The following SLC14A2 variants were observed in gnomAD, a reference collection of about 807,000 sequenced individuals.
SLC14A2 encodes the protein solute carrier family 14 member 2, also known as urea transporter 2.
In SLC14A2, 91 loss-of-function variants were observed where a neutral mutation model predicts 104.6. The observed-to-expected ratio is 0.87, with a 90% CI of 0.73 to 1.04. The LOEUF (loss-of-function observed/expected upper bound fraction) is 1.04. Among genes scored for constraint, SLC14A2 ranks in the 50% least tolerant of loss-of-function variants. The pLI is 0.00. For missense variants in SLC14A2, 1,189 were observed against 1,156.0 expected (o/e 1.03, Z -0.41); for synonymous variants, 476 against 466.4 (o/e 1.02, Z -0.27).
chr18:45,499,257 C>T (rs1330135641), intron 2 of SLC14A2, among the ~76,000 whole-genome samples: 1 of 152,186 alleles, frequency 6.6e-6, no homozygotes, highest in Non-Finnish European at 1.5e-5. Flanking sequence ...TATGTATATA[C>T]ATGTGTAAAC....
intron 1 of SLC14A2, among the ~76,000 whole-genome samples, chr18:45,360,353 T>A (rs763888099): frequency 6.6e-6 from 1 of 152,228 alleles, no homozygotes; most frequent in Non-Finnish European, 1.5e-5. Flanking sequence ...GGGTCTTCTA[T>A]TTCTTTGTGT....
intron 10 of SLC14A2, among the ~76,000 whole-genome samples, chr18:45,660,976 G>C (rs763623216): frequency 2.0e-5 from 3 of 152,226 alleles, no homozygotes; most frequent in Non-Finnish European, 4.4e-5. Context: ...GTGAGGAGCT[G>C]CTGCCCTCCC....
Position 45,682,699 on chromosome 18 carries a change from A to T in SLC14A2, c.*180A>T, listed in dbSNP as rs7244213. 0.18 allele frequency: 107,622 copies of T among 606,990 alleles called. 10,691 individuals carry two copies. Among genetic ancestry groups the T allele is most frequent in the East Asian group, 0.36 (12,699 of 35,620 alleles). The allele number at this position is 606,990 out of a possible 1,614,324, so 37.6% of individuals were successfully genotyped here. The stretch of plus-strand genomic sequence containing the variant: ...CTCTTTTCTAAGATGCACAACACTT[A>T]TCAAAGATATGTTTAGTTTAGACTT... On this transcript the variant is annotated 3_prime_UTR_variant, in exon 20 of 20. Transcript: ENST00000255226.
intron 2 of SLC14A2, among the ~76,000 whole-genome samples, chr18:45,597,554 G>A (rs1461530709): frequency 1.3e-5 from 2 of 152,196 alleles, no homozygotes; most frequent in African/African-American, 4.8e-5. Flanking sequence ...GGGGATGAAG[G>A]CAGGAGGTAA....
intron 2 of SLC14A2, among the ~76,000 whole-genome samples, chr18:45,570,529 G>A (rs905713307): frequency 2.0e-5 from 3 of 152,212 alleles, no homozygotes; most frequent in Admixed American, 6.5e-5. Flanking sequence ...AGCATGGTAC[G>A]TTGGAATTAT....
At position 45,669,416 on chromosome 18, in the gene SLC14A2, A is replaced by G. The variant is rs150785098; in HGVS notation, c.2147A>G (p.Tyr716Cys). The stretch of plus-strand genomic sequence containing the variant: ...TTGTACCTGGCAGCCACGGGCCACT[A>G]CAACCTTTTCTTCCCCACAACGCTG... The part of the protein sequence containing the change: ...VTLYLAATGH[Y>C]NLFFPTTLLQ... Residue 716 changes from tyrosine (Y) to cysteine (C), a missense_variant, in exon 16 of 20, where the codon TAC (tyrosine) becomes TGC (cysteine). Tyr to Cys is a radical substitution (Grantham distance 194). Coordinates refer to ENST00000255226, the MANE Select transcript of SLC14A2 (RefSeq NM_007163.4). 1 of 1,613,752 alleles carries G rather than the reference A, an allele frequency of 6.2e-7. No homozygotes were observed. The highest frequency in any genetic ancestry group is 8.5e-7 in the Non-Finnish European group (1 of 1,179,922).
intron 1 of SLC14A2, among the ~76,000 whole-genome samples, chr18:45,384,552 G>C (rs892413868): frequency 6.6e-6 from 1 of 152,168 alleles, no homozygotes; most frequent in Admixed American, 6.5e-5. Flanking sequence ...GCCTGAATCT[G>C]AGTAAAGGAA....
At chr18:45,286,010 G>A (rs2084811479) in intron 1 of SLC14A2, among the ~76,000 whole-genome samples, 1 of 152,184 alleles carries the variant, frequency 6.6e-6, no homozygotes. Flanking sequence ...CCCTACCACT[G>A]CCCTAGAGGG....
chr18:45,510,577 G>T (rs1454429836), intron 2 of SLC14A2, among the ~76,000 whole-genome samples: 1 of 151,904 alleles, frequency 6.6e-6, no homozygotes, highest in Non-Finnish European at 1.5e-5. Context: ...TGCTGATCAG[G>T]GTCCTGCCTC....
chr18:45,359,730 T>C (rs2085591933), intron 1 of SLC14A2, among the ~76,000 whole-genome samples: 1 of 152,046 alleles, frequency 6.6e-6, no homozygotes, highest in Non-Finnish European at 1.5e-5. Context: ...GAGCACAAAT[T>C]ATGGCAAGCT....
At chr18:45,450,973 A>G (rs1050322629) in intron 1 of SLC14A2, among the ~76,000 whole-genome samples, 2 of 152,216 alleles carry the variant, frequency 1.3e-5, no homozygotes, top group Non-Finnish European at 2.9e-5. Context: ...ACATGGCTCA[A>G]CCACTTCAAA....
chr18:45,308,301 G>T (rs1042977607), intron 1 of SLC14A2, among the ~76,000 whole-genome samples: 1 of 152,158 alleles, frequency 6.6e-6, no homozygotes, highest in Admixed American at 6.5e-5. Context: ...TTCTCATTTT[G>T]CAGCTGAAGA....
chr18:45,415,778 G>A (rs1328371579), intron 1 of SLC14A2, among the ~76,000 whole-genome samples: 1 of 152,078 alleles, frequency 6.6e-6, no homozygotes, highest in Non-Finnish European at 1.5e-5. Context: ...ATATCACAGC[G>A]ATCTTAACAT....
chr18:45,526,009 GTGCTAAA>G (rs1316113702), intron 2 of SLC14A2, among the ~76,000 whole-genome samples: 1 of 152,140 alleles, frequency 6.6e-6, no homozygotes, highest in Non-Finnish European at 1.5e-5. Flanking sequence ...AAATTTAAAA[GTGCTAAA>G]TGGTAAATAA....
chr18:45,401,322 C>T (rs2086093518), intron 1 of SLC14A2, among the ~76,000 whole-genome samples: 2 of 152,152 alleles, frequency 1.3e-5, no homozygotes, highest in Non-Finnish European at 2.9e-5. Context: ...CCACCCAAAA[C>T]AATAGGTGCC....
intron 1 of SLC14A2, among the ~76,000 whole-genome samples, chr18:45,252,742 T>C (rs1441499692): frequency 1.3e-5 from 2 of 151,906 alleles, no homozygotes; most frequent in African/African-American, 4.8e-5. Flanking sequence ...CAAAGTTAGA[T>C]GTTTCACTTC....
chr18:45,456,746 G>A (rs2612547), intron 1 of SLC14A2, among the ~76,000 whole-genome samples: 127,117 of 149,772 alleles, frequency 0.85, 53,979 homozygotes, highest in South Asian at 0.93. Context: ...TTCTTCCCCA[G>A]GAGACTTTTT....
intron 2 of SLC14A2, chr18:45,493,109 A>G (rs1021190555): frequency 3.3e-5 from 5 of 152,212 alleles, no homozygotes; most frequent in Non-Finnish European, 7.3e-5. Context: ...TTCTTCCAAG[A>G]AGCTCCCCCT....
At chr18:45,248,795 G>T (rs1599611165) in intron 1 of SLC14A2, among the ~76,000 whole-genome samples, 1 of 152,260 alleles carries the variant, frequency 6.6e-6, no homozygotes, top group East Asian at 1.9e-4. Context: ...GAACTTCAAC[G>T]GTATTCTGGC....
Sources: gnomAD v4.1 joint callset for allele counts (sites outside exome capture counted in the v4.1 genomes callset) on GRCh38, gnomAD v4.1.1 for gene constraint, MANE v1.5 for transcripts, NCBI Gene and HGNC (gene_info 2026-07-23, HGNC 2026-07-21) for gene names.